The following AGAP1 variants were observed in gnomAD, a reference collection of about 807,000 sequenced individuals.
AGAP1 encodes ArfGAP with GTPase domain, ankyrin repeat and PH domain 1.
AGAP1 carries 29 observed loss-of-function variants against 105.3 expected under a neutral mutation model. The ratio of observed to expected loss-of-function variants is 0.28; its 90% CI spans 0.21 to 0.38. AGAP1 has a LOEUF of 0.38. Ranked by LOEUF, AGAP1 falls within the 10% of genes least tolerant of loss-of-function variation. AGAP1 has a pLI of 1.00. For synonymous variants in AGAP1, 509 were observed against 485.9 expected, an observed-to-expected ratio of 1.05 and a Z score of -0.63; for missense variants, 998 against 1,165.1, an observed-to-expected ratio of 0.86 and a Z score of 2.09.
rs567366705 is a variant in AGAP1, at chr2:235,520,205, A to G, written c.163+25356A>G. 7.5e-4 allele frequency among the ~76,000 whole-genome samples: 114 copies of G among 152,386 alleles called. 1 individual carries two copies. The highest frequency in any genetic ancestry group is 2.7e-3 in the African/African-American group (111 of 41,588). On this transcript the variant is annotated intron_variant, in intron 1 of 17. Transcript: ENST00000304032. Reference sequence around the variant, plus strand: ...CCACATTACCACACTTTAGAAAATGAACAGTTCCTTAATATGGTCAAATAT... The same window carrying G: ...CCACATTACCACACTTTAGAAAATGGACAGTTCCTTAATATGGTCAAATAT...
At chr2:236,102,250 T>A (rs1225342684) in intron 16 of AGAP1, among the ~76,000 whole-genome samples, 4 of 152,042 alleles carry the variant, frequency 2.6e-5, no homozygotes, top group Non-Finnish European at 5.9e-5. Context: ...ACCCTGTTTC[T>A]ACTAAAAATA....
chr2:236,052,800 A>G (rs1382811742), intron 16 of AGAP1, among the ~76,000 whole-genome samples: 1 of 152,132 alleles, frequency 6.6e-6, no homozygotes, highest in Non-Finnish European at 1.5e-5. Flanking sequence ...TTTAATTTGG[A>G]AAAAGAAGCA....
intron 9 of AGAP1, among the ~76,000 whole-genome samples, chr2:235,833,191 T>G (rs553760693): frequency 6.6e-6 from 1 of 152,094 alleles, no homozygotes; most frequent in Admixed American, 6.5e-5. Flanking sequence ...ATTGGAGCAG[T>G]GCTGTGGAAG....
intron 1 of AGAP1, among the ~76,000 whole-genome samples, chr2:235,613,584 C>T (rs1946210776): frequency 6.6e-6 from 1 of 152,132 alleles, no homozygotes; most frequent in Non-Finnish European, 1.5e-5. Flanking sequence ...ATAATAACGC[C>T]TTCTTGCCTC....
chr2:235,660,158 C>T lies in AGAP1; in HGVS notation c.164-49021C>T, dbSNP rs965905908. ...GGAGGGACAGGCTTTCTCAGGGGGG[C>T]GGCCACCCAAGATCAGCTGCGGCTG... On this transcript the variant is annotated intron_variant, in intron 1 of 17. Transcript: ENST00000304032. The surrounding 1 kb of genome is among the most constrained non-coding windows in gnomAD (Gnocchi z 5.3). Among the ~76,000 whole-genome samples, 3 of 152,090 alleles carry T rather than the reference C, an allele frequency of 2.0e-5. No individual in the cohort carries two copies. The highest frequency in any genetic ancestry group is 4.8e-5 in the African/African-American group (2 of 41,428).
At chr2:235,986,719 A>G (rs1025275094) in intron 13 of AGAP1, among the ~76,000 whole-genome samples, 3 of 152,192 alleles carry the variant, frequency 2.0e-5, no homozygotes, top group Admixed American at 6.5e-5. Context: ...TTCTGCATCT[A>G]TTGATATAAT....
chr2:235,496,195 G>GGGC (rs1293108392), intron 1 of AGAP1, among the ~76,000 whole-genome samples: 2 of 152,382 alleles, frequency 1.3e-5, no homozygotes, highest in Non-Finnish European at 1.5e-5. Context: ...CAGGCTGGAT[G>GGGC]ACTGGCAGAC....
At chr2:235,870,400 G>T (rs776709253) in intron 9 of AGAP1, among the ~76,000 whole-genome samples, 3 of 152,216 alleles carry the variant, frequency 2.0e-5, no homozygotes, top group Admixed American at 6.5e-5. Context: ...GCTGAGGCAG[G>T]TGGATCACCT....
chr2:235,676,396 T>C (rs1282644926), intron 1 of AGAP1, among the ~76,000 whole-genome samples: 3 of 152,210 alleles, frequency 2.0e-5, no homozygotes, highest in Non-Finnish European at 4.4e-5. Context: ...AGTAAATGTT[T>C]ATGGGTGGAA....
rs1307563798 is a variant in AGAP1, at chr2:235,875,087, G to C, written c.1051-8258G>C. Among the ~76,000 whole-genome samples the C allele has an allele frequency of 2.0e-5, 3 of 152,140 alleles. No homozygotes were observed. The highest frequency in any genetic ancestry group is 7.2e-5 in the African/African-American group (3 of 41,410). ...GCAGTATTCCTGGGGTCCTGGGATG[G>C]AGAGAGCCCTGTCACCCCCTCTCCC... is the stretch of plus-strand genomic sequence containing the variant. On this transcript the variant is annotated intron_variant, in intron 9 of 17. Transcript: ENST00000304032. This position sits in a 1 kb window ranked among gnomAD's most constrained non-coding sequence, Gnocchi z 4.0.
intron 9 of AGAP1, among the ~76,000 whole-genome samples, chr2:235,822,553 TGAG>T (rs1324101750): frequency 1.3e-5 from 2 of 150,186 alleles, no homozygotes; most frequent in Non-Finnish European, 3.0e-5. Context: ...AGCTCAAGGG[TGAG>T]GAGGAGCTGG....
chr2:235,508,044 T>C (rs2149019370), intron 1 of AGAP1, among the ~76,000 whole-genome samples: 1 of 152,348 alleles, frequency 6.6e-6, no homozygotes, highest in East Asian at 1.9e-4. Flanking sequence ...TTTGGTTTTC[T>C]GTTCCTCCGC....
chr2:236,022,349 T>C (rs1185744295), intron 13 of AGAP1, among the ~76,000 whole-genome samples: 1 of 152,348 alleles, frequency 6.6e-6, no homozygotes, highest in East Asian at 1.9e-4. Context: ...CTCTCTTGGC[T>C]AGACAAAGAT....
rs2054173789 is a variant in AGAP1, at chr2:235,961,260, C to T, written c.1484-7202C>T. ...AGTGGCCAGCTTGGGGAAGGCCTCT[C>T]TTGGGGCTTCCTCCTTTGGCTCCTG... On this transcript the variant is annotated intron_variant, in intron 12 of 17. Transcript: ENST00000304032. This position sits in a 1 kb window ranked among gnomAD's most constrained non-coding sequence, Gnocchi z 5.9. Among the ~76,000 whole-genome samples the T allele has an allele frequency of 6.6e-6, 1 of 152,218 alleles. No homozygotes were observed.
intron 12 of AGAP1, among the ~76,000 whole-genome samples, chr2:235,946,982 G>A (rs187723761): frequency 2.3e-4 from 35 of 152,204 alleles, no homozygotes; most frequent in Admixed American, 9.2e-4. Flanking sequence ...GTCACCTTCT[G>A]ACAGCCTTTG....
At chr2:235,561,210 A>G (rs1944139085) in intron 1 of AGAP1, among the ~76,000 whole-genome samples, 2 of 152,176 alleles carry the variant, frequency 1.3e-5, no homozygotes. Context: ...GCTTCAGTGA[A>G]TTGTCCACAG....
chr2:235,902,246 C>T (rs1323733004), intron 10 of AGAP1, among the ~76,000 whole-genome samples: 5 of 152,036 alleles, frequency 3.3e-5, no homozygotes, highest in Non-Finnish European at 7.4e-5. Context: ...ATATTTCAAC[C>T]CTCATTTCAG....
rs1354263933 is a variant in AGAP1, at chr2:235,716,434, A to G, written c.223-1123A>G. 6.6e-6 allele frequency among the ~76,000 whole-genome samples: 1 copy of G among 152,166 alleles called. No homozygotes were observed. Among genetic ancestry groups the G allele is most frequent in the Non-Finnish European group, 1.5e-5 (1 of 68,038 alleles). On this transcript the variant is annotated intron_variant, in intron 2 of 17. Coordinates refer to ENST00000304032, the MANE Select transcript of AGAP1 (RefSeq NM_001037131.3). This position sits in a 1 kb window ranked among gnomAD's most constrained non-coding sequence, Gnocchi z 4.0. ...TAGTGGGCAGTTTCCTGGTAGCAAC[A>G]GGGCCAGAGCTTCAGATAATTTGAG...
At chr2:235,514,261 T>C (rs140459898) in intron 1 of AGAP1, among the ~76,000 whole-genome samples, 27 of 152,344 alleles carry the variant, frequency 1.8e-4, no homozygotes, top group Non-Finnish European at 1.5e-5. Context: ...TCCCAAAATA[T>C]AAATTTACCC....
Sources: gnomAD v4.1 joint callset for allele counts (sites outside exome capture counted in the v4.1 genomes callset) on GRCh38, gnomAD v4.1.1 for gene constraint, Gnocchi (gnomAD v3.1) non-coding constraint, MANE v1.5 for transcripts, NCBI Gene and HGNC (gene_info 2026-07-23, HGNC 2026-07-21) for gene names.